The following PECAM1 variants were observed in gnomAD, a reference collection of about 807,000 sequenced individuals.
PECAM1 encodes platelet and endothelial cell adhesion molecule 1.
In PECAM1, 8 loss-of-function variants were observed where a neutral mutation model predicts 13.8. The observed-to-expected ratio is 0.58, with a 90% confidence interval of 0.34 to 1.05. The LOEUF is 1.05. Among genes scored for constraint, PECAM1 ranks in the 50% least tolerant of loss-of-function variants. The probability of loss-of-function intolerance (pLI) is 0.03; values close to 1 mark genes in which losing one functional copy is unlikely to be tolerated. For synonymous variants in PECAM1, 136 were observed against 52.6 expected (o/e 2.58, Z -6.86); for missense variants, 304 against 141.2 (o/e 2.15, Z -5.84).
Position 64,321,706 on chromosome 17 carries a change from A to G in PECAM1, c.*2110T>C. ...AGCCCAGGGGTTCGAGGCTGCGGTG[A>G]GCCATTGTTGTGCCACTGCACTCCA... On this transcript the variant is annotated 3_prime_UTR_variant, in exon 16 of 16. Transcript: ENST00000563924. The G allele has an allele frequency of 1.1e-6, 1 of 920,834 alleles. No individual in the cohort carries two copies. The highest frequency in any genetic ancestry group is 1.8e-5 in the South Asian group (1 of 55,404). 57.0% of individuals were successfully genotyped at this position (920,834 alleles called of 1,614,324 possible). A position where few individuals can be genotyped will look rare whatever the true frequency, so the allele number is the denominator to read the frequency against.
chr17:64,335,443 T>C (rs961836775), intron 14 of PECAM1, among the ~76,000 whole-genome samples: 4 of 150,342 alleles, frequency 2.7e-5, no homozygotes, highest in Admixed American at 2.6e-4. Flanking sequence ...ATTATGCCGA[T>C]AACATGAAGC....
rs782154471 is a variant in PECAM1, at chr17:64,321,436, G to A, written c.*2380C>T. 21 of 986,728 alleles carry A rather than the reference G, an allele frequency of 2.1e-5. No individual in the cohort carries two copies. Among genetic ancestry groups the A allele is most frequent in the Non-Finnish European group, 2.5e-5 (21 of 830,750 alleles). 61.1% of individuals were successfully genotyped at this position (986,728 alleles called of 1,614,324 possible). A position where few individuals can be genotyped will look rare whatever the true frequency, so the allele number is the denominator to read the frequency against. On this transcript the variant is annotated 3_prime_UTR_variant, in exon 16 of 16. Coordinates refer to ENST00000563924, the MANE Select transcript of PECAM1 (RefSeq NM_000442.5). ...TGAAGTTTCCTCCTCGGAAATATAG[G>A]CAGAAGGGAAAGTAATTTTAAACTC...
intron 8 of PECAM1, among the ~76,000 whole-genome samples, chr17:64,355,538 C>T (rs2143791958): frequency 6.6e-6 from 1 of 152,206 alleles, no homozygotes; most frequent in Non-Finnish European, 1.5e-5. Flanking sequence ...CTGCTCACTG[C>T]AACCTCTACC....
chr17:64,373,526 CTGTGTGTGTG>C (rs199493363), intron 4 of PECAM1, among the ~76,000 whole-genome samples: 9 of 148,924 alleles, frequency 6.0e-5, no homozygotes, highest in East Asian at 2.0e-4. Context: ...GATGTTTTTT[CTGTGTGTGTG>C]TGTGTGTGTG....
chr17:64,387,069 A>G (rs2036609671), intron 2 of PECAM1, among the ~76,000 whole-genome samples: 1 of 152,294 alleles, frequency 6.6e-6, no homozygotes, highest in African/African-American at 2.4e-5. Context: ...GTAAGTCCAA[A>G]GTCAGCCATG....
chr17:64,321,689 G>T lies in PECAM1; in HGVS notation c.*2127C>A. The stretch of plus-strand genomic sequence containing the variant: ...GATGGGAGGATCGCTTGAGCCCAGG[G>T]GTTCGAGGCTGCGGTGAGCCATTGT... On this transcript the variant is annotated 3_prime_UTR_variant, in exon 16 of 16. Transcript: ENST00000563924. 1.3e-6 allele frequency: 1 copy of T among 760,846 alleles called. No individual in the cohort carries two copies. Among genetic ancestry groups the T allele is most frequent in the Non-Finnish European group, 1.8e-6 (1 of 569,584 alleles). 47.1% of individuals were successfully genotyped at this position (760,846 alleles called of 1,614,324 possible).
Position 64,321,001 on chromosome 17 carries a change from G to A in PECAM1, c.*2815C>T, listed in dbSNP as rs1432138542. On this transcript the variant is annotated 3_prime_UTR_variant, in exon 16 of 16. Coordinates refer to ENST00000563924, the MANE Select transcript of PECAM1 (RefSeq NM_000442.5). ...AAACCAGCGGGAGACAAAATCGCCCGACAGTCGTTGCTTTAGTGAGTGAAT... is the reference window on the plus strand; with the variant it reads ...AAACCAGCGGGAGACAAAATCGCCCAACAGTCGTTGCTTTAGTGAGTGAAT... 6.6e-6 allele frequency: 1 copy of A among 152,170 alleles called. No homozygotes were observed. The highest frequency in any genetic ancestry group is 2.1e-4 in the South Asian group (1 of 4,826). 9.4% of individuals were successfully genotyped at this position (152,170 alleles called of 1,614,324 possible).
intron 15 of PECAM1, among the ~76,000 whole-genome samples, chr17:64,324,377 G>A (rs532856959): frequency 3.3e-5 from 5 of 152,190 alleles, no homozygotes; most frequent in East Asian, 1.9e-4. Flanking sequence ...GCTCCTGCCC[G>A]TATGTATTTC....
chr17:64,326,580 T>C lies in PECAM1; in HGVS notation c.2188-2735A>G, dbSNP rs928936106. Among the ~76,000 whole-genome samples, 8 of 152,212 alleles carry C rather than the reference T, an allele frequency of 5.3e-5. No homozygotes were observed. In the East Asian group the frequency reaches 1.5e-3, roughly 29 times the overall value. On this transcript the variant is annotated intron_variant, in intron 15 of 15. Coordinates refer to ENST00000563924, the MANE Select transcript of PECAM1 (RefSeq NM_000442.5). ...TGCCTGGATGGGGGAGACATGACTCTGGTGTCCAGCCTTTCTGTGGGCCCC... is the reference window on the plus strand; with the variant it reads ...TGCCTGGATGGGGGAGACATGACTCCGGTGTCCAGCCTTTCTGTGGGCCCC...
intron 12 of PECAM1, among the ~76,000 whole-genome samples, chr17:64,350,069 C>T (rs2035680438): frequency 6.6e-6 from 1 of 151,588 alleles, no homozygotes; most frequent in Non-Finnish European, 1.5e-5. Flanking sequence ...TTAAAAATCA[C>T]CACCTCAATG....
chr17:64,348,063 T>G (rs1171677195), intron 13 of PECAM1, among the ~76,000 whole-genome samples, 197 bp downstream of exon 13: 4 of 152,120 alleles, frequency 2.6e-5, no homozygotes, highest in African/African-American at 4.8e-5. Flanking sequence ...ATTGAAATTT[T>G]ACAGCTCAGA....
intron 4 of PECAM1, among the ~76,000 whole-genome samples, chr17:64,372,265 A>G (rs1241817209): frequency 6.6e-6 from 1 of 152,124 alleles, no homozygotes; most frequent in Non-Finnish European, 1.5e-5. Context: ...GAAAGAAAGA[A>G]AGAAAAAGTT....
intron 4 of PECAM1, among the ~76,000 whole-genome samples, chr17:64,371,778 C>T (rs12943004): frequency 2.6e-5 from 4 of 151,976 alleles, no homozygotes; most frequent in Non-Finnish European, 5.9e-5. Context: ...TGCAGTGAGC[C>T]GAGATTGCGC....
chr17:64,323,377 A>G lies in PECAM1; in HGVS notation c.*439T>C. ...CAAAACTACAAGCCTTTGAAGGACC[A>G]AAGGAAAAGAGAAAAAACCAGCCTC... On this transcript the variant is annotated 3_prime_UTR_variant, in exon 16 of 16. Transcript: ENST00000563924. 3.6e-6 allele frequency: 4 copies of G among 1,100,222 alleles called. No individual in the cohort carries two copies. The highest frequency in any genetic ancestry group is 4.4e-6 in the Non-Finnish European group (4 of 899,558). The allele number at this position is 1,100,222 out of a possible 1,614,324, so 68.2% of individuals were successfully genotyped here. A position where few individuals can be genotyped will look rare whatever the true frequency, so the allele number is the denominator to read the frequency against.
chr17:64,370,091 C>G (rs2036206567), intron 4 of PECAM1, 66 bp from the exon 5 acceptor site: 1 of 398,424 alleles, frequency 2.5e-6, no homozygotes, highest in Non-Finnish European at 4.4e-6. Flanking sequence ...GCCTCTTCTG[C>G]TCTTTTTGCT....
chr17:64,358,109 G>GTATTT (rs1555650936), intron 7 of PECAM1, among the ~76,000 whole-genome samples: 1 of 63,628 alleles, frequency 1.6e-5, no homozygotes, highest in African/African-American at 3.8e-5. Context: ...TTTGGCCACA[G>GTATTT]TCTTTTTTTT....
intron 4 of PECAM1, among the ~76,000 whole-genome samples, chr17:64,370,902 T>G (rs2036224083): frequency 6.6e-6 from 1 of 152,232 alleles, no homozygotes; most frequent in Non-Finnish European, 1.5e-5. Flanking sequence ...ACTCTAATGC[T>G]TTAATATTCA....
chr17:64,386,956 G>T (rs1406728035), intron 2 of PECAM1, among the ~76,000 whole-genome samples: 2 of 152,026 alleles, frequency 1.3e-5, no homozygotes, highest in African/African-American at 4.8e-5. Context: ...TAGGGGAGGA[G>T]GGGGGAATGT....
chr17:64,322,405 C>T lies in PECAM1; in HGVS notation c.*1411G>A, dbSNP rs2034828014. On this transcript the variant is annotated 3_prime_UTR_variant, in exon 16 of 16. Transcript: ENST00000563924. ...CCGTCTCAAAACAACAAAACAAAAACATAGACCTGCTCGGTTCTCTCTGTG... is the reference window on the plus strand; with the variant it reads ...CCGTCTCAAAACAACAAAACAAAAATATAGACCTGCTCGGTTCTCTCTGTG... 5 of 986,798 alleles carry T rather than the reference C, an allele frequency of 5.1e-6. No homozygotes were observed. The highest frequency in any genetic ancestry group is 4.6e-5 in the South Asian group (1 of 21,516). 61.1% of individuals were successfully genotyped at this position (986,798 alleles called of 1,614,324 possible).
Sources: gnomAD v4.1 joint callset for allele counts (sites outside exome capture counted in the v4.1 genomes callset) on GRCh38, gnomAD v4.1.1 for gene constraint, MANE v1.5 for transcripts, NCBI Gene and HGNC (gene_info 2026-07-23, HGNC 2026-07-21) for gene names.